Variants in SLC30A7 observed in about 807,000 individuals in gnomAD.
SLC30A7 encodes solute carrier family 30 member 7, also known as zinc transporter 7.
SLC30A7 carries 35 observed loss-of-function variants against 46.0 expected under a neutral mutation model. That is an observed-to-expected ratio of 0.76 (90% CI 0.58 to 1.01). The LOEUF is 1.01. Among genes scored for constraint, SLC30A7 ranks in the 50% least tolerant of loss-of-function variants. The probability of loss-of-function intolerance (pLI) is 0.00; values close to 1 mark genes in which losing one functional copy is unlikely to be tolerated. For missense variants in SLC30A7, 464 were observed against 451.1 expected (o/e 1.03, Z -0.26); for synonymous variants, 147 against 157.8 (o/e 0.93, Z 0.51).
intron 8 of SLC30A7, among the ~76,000 whole-genome samples, chr1:100,944,161 A>G (rs1014583763): frequency 6.6e-6 from 1 of 151,950 alleles, no homozygotes; most frequent in African/African-American, 2.4e-5. Flanking sequence ...CCATCCTCCT[A>G]CTTCAGCCTC....
chr1:100,941,660 G>A, intron 8 of SLC30A7: 2 of 620,844 alleles, frequency 3.2e-6, no homozygotes, highest in East Asian at 3.6e-5. Flanking sequence ...AGTTAAGTGG[G>A]CACTGGTCTC....
intron 8 of SLC30A7, among the ~76,000 whole-genome samples, chr1:100,959,206 G>A (rs887664463): frequency 6.6e-6 from 1 of 152,210 alleles, no homozygotes; most frequent in African/African-American, 2.4e-5. Context: ...TCCCTAGGCA[G>A]TGGGGAGCTT....
chr1:100,981,905 G>C (rs1399404496), downstream of SLC30A7, among the ~76,000 whole-genome samples: 1 of 152,186 alleles, frequency 6.6e-6, no homozygotes, highest in Non-Finnish European at 1.5e-5. Flanking sequence ...GGAGAGAAGA[G>C]ATGCTAGGAG....
chr1:100,936,821 G>A (rs1314621416), intron 8 of SLC30A7, among the ~76,000 whole-genome samples: 1 of 152,102 alleles, frequency 6.6e-6, no homozygotes, highest in Admixed American at 6.5e-5. Context: ...TATATAAGTG[G>A]TACCTTATAA....
intron 8 of SLC30A7, among the ~76,000 whole-genome samples, chr1:100,937,917 G>A (rs1570555806): frequency 6.6e-6 from 1 of 152,202 alleles, no homozygotes; most frequent in East Asian, 1.9e-4. Context: ...TTTATATATG[G>A]TGTGAGGTAA....
chr1:100,969,631 G>T (rs1463122284), intron 10 of SLC30A7, among the ~76,000 whole-genome samples: 1 of 152,112 alleles, frequency 6.6e-6, no homozygotes, highest in African/African-American at 2.4e-5. Flanking sequence ...CTTTGGTTTT[G>T]GAAACTGCAT....
rs1409859019 is a variant in SLC30A7 at position 100,976,502 on chromosome 1, G to C, written c.*1645G>C. ...AAATTGCAATTCGAGATAAGTGCTT[G>C]AGCACTCTACTTAAGTATTCTCTGT... On this transcript the variant is annotated 3_prime_UTR_variant, in exon 11 of 11. Coordinates refer to ENST00000357650, the MANE Select transcript of SLC30A7 (RefSeq NM_133496.5). 6.6e-6 allele frequency: 1 copy of C among 152,162 alleles called. No individual in the cohort carries two copies. Among genetic ancestry groups the C allele is most frequent in the African/African-American group, 2.4e-5 (1 of 41,438 alleles). The allele number at this position is 152,162 out of a possible 1,614,324, so 9.4% of individuals were successfully genotyped here.
chr1:100,948,251 T>C (rs537901285), intron 8 of SLC30A7, among the ~76,000 whole-genome samples: 1 of 152,066 alleles, frequency 6.6e-6, no homozygotes, highest in East Asian at 1.9e-4. Flanking sequence ...CCACAGAATC[T>C]CTCCACATTT....
intron 8 of SLC30A7, among the ~76,000 whole-genome samples, chr1:100,928,323 A>T (rs1387818996): frequency 6.6e-6 from 1 of 152,174 alleles, no homozygotes; most frequent in East Asian, 1.9e-4. Context: ...GTAGGAGAGA[A>T]AACGGCGCTT....
intron 2 of SLC30A7, among the ~76,000 whole-genome samples, chr1:100,903,592 A>G (rs1288602023): frequency 6.6e-6 from 1 of 152,112 alleles, no homozygotes; most frequent in Non-Finnish European, 1.5e-5. Flanking sequence ...GTCAGATGAG[A>G]TGGTTAAAGT....
chr1:100,926,437 A>G (rs776538824), intron 8 of SLC30A7, among the ~76,000 whole-genome samples: 6 of 151,876 alleles, frequency 4.0e-5, no homozygotes, highest in Non-Finnish European at 5.9e-5. Context: ...AGCGTGGTGA[A>G]AGAGAGAGAG....
intron 8 of SLC30A7, among the ~76,000 whole-genome samples, chr1:100,960,168 G>A (rs1468146342): frequency 6.6e-6 from 1 of 152,074 alleles, no homozygotes; most frequent in Non-Finnish European, 1.5e-5. Context: ...ATATTTTTTA[G>A]TAATCTGTTT....
intron 2 of SLC30A7, 47 bp downstream of exon 2, chr1:100,896,718 G>C: frequency 6.6e-7 from 1 of 1,523,326 alleles, no homozygotes; most frequent in Non-Finnish European, 9.1e-7. Context: ...GTGTGAGGGA[G>C]ACGAAGCACT....
intron 8 of SLC30A7, among the ~76,000 whole-genome samples, chr1:100,929,766 T>G (rs1557989879): frequency 6.6e-6 from 1 of 152,092 alleles, no homozygotes; most frequent in Admixed American, 6.5e-5. Flanking sequence ...TAATAAATTT[T>G]GGGGTAAAAC....
At chr1:100,983,029 A>C (rs538343382), downstream of SLC30A7, among the ~76,000 whole-genome samples, 7 of 152,238 alleles carry the variant, frequency 4.6e-5, no homozygotes, top group African/African-American at 1.7e-4. Flanking sequence ...AAGCCACCCC[A>C]TGTTAAACTG....
intron 10 of SLC30A7, among the ~76,000 whole-genome samples, chr1:100,974,400 C>T (rs938801377): frequency 4.6e-5 from 7 of 152,192 alleles, no homozygotes; most frequent in African/African-American, 1.7e-4. Flanking sequence ...ACTTGGAGTG[C>T]AAAATAATTC....
chr1:100,943,750 C>G (rs1467198555), intron 8 of SLC30A7, among the ~76,000 whole-genome samples: 3 of 152,172 alleles, frequency 2.0e-5, no homozygotes, highest in Non-Finnish European at 2.9e-5. Flanking sequence ...TAAAGCAGTT[C>G]TGTGCAACCT....
At chr1:100,906,207 TCCA>T (rs2101008472) in intron 2 of SLC30A7, among the ~76,000 whole-genome samples, 1 of 152,322 alleles carries the variant, frequency 6.6e-6, no homozygotes, top group South Asian at 2.1e-4. Context: ...GGGTTCTTGC[TCCA>T]CTCTCAGCTT....
the SLC30A7 span, among the ~76,000 whole-genome samples, chr1:100,988,859 T>C: frequency 7.3e-5 from 11 of 151,420 alleles, no homozygotes; most frequent in Non-Finnish European, 1.5e-4. Flanking sequence ...CAAAAATAAA[T>C]AAATAAATAA....
Sources: allele counts gnomAD v4.1 joint callset (sites outside exome capture counted in the v4.1 genomes callset), GRCh38; gene constraint gnomAD v4.1.1; transcripts MANE v1.5; gene names NCBI Gene and HGNC (gene_info 2026-07-23, HGNC 2026-07-21).